The following EEFSEC variants were observed in gnomAD, a reference collection of about 807,000 sequenced individuals.
The protein encoded by EEFSEC is eukaryotic elongation factor, selenocysteine-tRNA specific.
EEFSEC carries 43 observed loss-of-function variants against 42.1 expected under a neutral mutation model. The observed-to-expected ratio is 1.02, with a 90% CI of 0.80 to 1.32. The LOEUF (loss-of-function observed/expected upper bound fraction) is 1.32, where lower values mean the gene tolerates loss of function less well. Ranked by LOEUF, EEFSEC falls within the 40% of genes most tolerant of loss-of-function variation. The pLI is 0.00. For synonymous variants in EEFSEC, 354 were observed against 339.1 expected (o/e 1.04, Z -0.48); for missense variants, 745 against 803.6 (o/e 0.93, Z 0.88).
intron 1 of EEFSEC, chr3:128,154,031 C>A: frequency 3.7e-6 from 2 of 539,270 alleles, no homozygotes; most frequent in Non-Finnish European, 5.8e-6. Context: ...TCCCATCCAG[C>A]AGAACCGAGC....
At chr3:128,196,614 C>T (rs2687730) in intron 1 of EEFSEC, among the ~76,000 whole-genome samples, 20,580 of 152,148 alleles carry the variant, frequency 0.14, 1,541 homozygotes, top group African/African-American at 0.19. Flanking sequence ...TGCCATTAAT[C>T]ACTTTCTGTA....
intron 6 of EEFSEC, among the ~76,000 whole-genome samples, chr3:128,385,756 C>T (rs1040848598): frequency 3.9e-5 from 6 of 152,212 alleles, no homozygotes; most frequent in Non-Finnish European, 7.3e-5. Context: ...GCCCTCTGCC[C>T]GCAGCCCTCA....
chr3:128,359,308 T>C (rs2067496896), intron 6 of EEFSEC, among the ~76,000 whole-genome samples: 1 of 152,152 alleles, frequency 6.6e-6, no homozygotes. Flanking sequence ...GTGCAGGACA[T>C]AGGCCAGGGT....
chr3:128,349,437 C>A (rs1266652907), intron 5 of EEFSEC, among the ~76,000 whole-genome samples: 1 of 152,224 alleles, frequency 6.6e-6, no homozygotes, highest in East Asian at 1.9e-4. Flanking sequence ...GAGCCACTCA[C>A]CCTATGGAGC....
At chr3:128,232,584 G>A (rs969800677) in intron 1 of EEFSEC, among the ~76,000 whole-genome samples, 1 of 152,222 alleles carries the variant, frequency 6.6e-6, no homozygotes, top group East Asian at 1.9e-4. Flanking sequence ...AGGGGACTGA[G>A]GCGGGAGAGA....
chr3:128,341,840 C>T lies in EEFSEC; in HGVS notation c.1394C>T (p.Pro465Leu). 6.2e-7 allele frequency: 1 copy of T among 1,613,930 alleles called. No homozygotes were observed. The highest frequency in any genetic ancestry group is 8.5e-7 in the Non-Finnish European group (1 of 1,180,044). ...AGGAACTACGCCGACAGCTTCCTGC[C>T]CAGGCTGAAGGTGTACAAGCTGAAG... is the stretch of plus-strand genomic sequence containing the variant. ...EDRNYADSFL[P>L]RLKVYKLKHK... The change falls in exon 5 of 7, where the codon CCC becomes CTC. Residue 465 changes from proline to leucine, a missense_variant. Coordinates refer to ENST00000254730, the MANE Select transcript of EEFSEC (RefSeq NM_021937.5).
At chr3:128,269,829 G>C (rs369111468) in intron 4 of EEFSEC, among the ~76,000 whole-genome samples, 2 of 152,242 alleles carry the variant, frequency 1.3e-5, no homozygotes, top group Non-Finnish European at 2.9e-5. Flanking sequence ...TGACTCTCTC[G>C]ATCTTCAGCC....
chr3:128,326,424 A>G (rs2067064267), intron 4 of EEFSEC, among the ~76,000 whole-genome samples: 1 of 152,192 alleles, frequency 6.6e-6, no homozygotes, highest in Admixed American at 6.5e-5. Flanking sequence ...AGATGGAGGG[A>G]AAAGATAGTC....
downstream of EEFSEC, among the ~76,000 whole-genome samples, chr3:128,411,513 G>A (rs1220670354): frequency 1.3e-5 from 2 of 152,224 alleles, no homozygotes; most frequent in African/African-American, 2.4e-5. Flanking sequence ...TTGGAAAAGA[G>A]GTGCCCTCTG....
At chr3:128,246,635 T>TC (rs2066130541) in intron 1 of EEFSEC, among the ~76,000 whole-genome samples, 1 of 152,256 alleles carries the variant, frequency 6.6e-6, no homozygotes, top group African/African-American at 2.4e-5. Flanking sequence ...TTTGTGGACC[T>TC]CAGTTTCCTC....
chr3:128,299,054 T>G (rs899725843), intron 4 of EEFSEC, among the ~76,000 whole-genome samples: 1 of 152,246 alleles, frequency 6.6e-6, no homozygotes, highest in African/African-American at 2.4e-5. Context: ...CTGTTTGATA[T>G]ACTGATTTCC....
At chr3:128,380,254 A>G (rs1049428653) in intron 6 of EEFSEC, among the ~76,000 whole-genome samples, 2 of 152,172 alleles carry the variant, frequency 1.3e-5, no homozygotes, top group Non-Finnish European at 2.9e-5. Context: ...TGAGGCTTTT[A>G]TATCTTACCT....
At chr3:128,396,672 G>C (rs1425734033) in intron 6 of EEFSEC, among the ~76,000 whole-genome samples, 2 of 152,194 alleles carry the variant, frequency 1.3e-5, no homozygotes, top group Non-Finnish European at 2.9e-5. Flanking sequence ...CGTTCTTGCT[G>C]TGTTACCTTG....
intron 4 of EEFSEC, among the ~76,000 whole-genome samples, chr3:128,302,298 G>T (rs1327622824): frequency 6.6e-6 from 1 of 152,094 alleles, no homozygotes; most frequent in Non-Finnish European, 1.5e-5. Context: ...TGTGCATTTT[G>T]CTGTAACTGC....
intron 1 of EEFSEC, among the ~76,000 whole-genome samples, chr3:128,221,271 G>C (rs1330794116): frequency 6.6e-6 from 1 of 152,208 alleles, no homozygotes; most frequent in Non-Finnish European, 1.5e-5. Context: ...TCAAGAGCTA[G>C]ACTAGAAAAG....
At chr3:128,169,606 G>A (rs1259081639) in intron 1 of EEFSEC, among the ~76,000 whole-genome samples, 1 of 152,156 alleles carries the variant, frequency 6.6e-6, no homozygotes, top group Admixed American at 6.5e-5. Context: ...ATGGGCTGAT[G>A]TGGAATCAGC....
intron 4 of EEFSEC, among the ~76,000 whole-genome samples, chr3:128,274,165 A>G (rs184044382): frequency 1.3e-5 from 2 of 152,334 alleles, no homozygotes; most frequent in East Asian, 3.9e-4. Flanking sequence ...GCAGTGTTAC[A>G]AAGAAGTGAC....
chr3:128,343,781 G>T (rs1267010184), intron 5 of EEFSEC, among the ~76,000 whole-genome samples: 1 of 152,136 alleles, frequency 6.6e-6, no homozygotes, highest in African/African-American at 2.4e-5. Flanking sequence ...GCTGAGGGAG[G>T]GGCCAGGAGA....
chr3:128,177,393 A>ACCCCCCCCCCCCCCCC (rs1559855853), intron 1 of EEFSEC, among the ~76,000 whole-genome samples: 1 of 133,866 alleles, frequency 7.5e-6, no homozygotes, highest in African/African-American at 2.8e-5. Context: ...AAATAGTGAC[A>ACCCCCCCCCCCCCCCC]CCACCCCCAC....
Sources: gnomAD v4.1 joint callset for allele counts (sites outside exome capture counted in the v4.1 genomes callset) on GRCh38, gnomAD v4.1.1 for gene constraint, MANE v1.5 for transcripts, NCBI Gene and HGNC (gene_info 2026-07-23, HGNC 2026-07-21) for gene names.